The following NLRP7 variants were observed in gnomAD, a reference collection of about 807,000 sequenced individuals.
The protein encoded by NLRP7 is NLR family pyrin domain containing 7, also known as NACHT, LRR and PYD domains-containing protein 7.
In NLRP7, 72 loss-of-function variants were observed where a neutral mutation model predicts 85.5. That is an observed-to-expected ratio of 0.84 (90% CI 0.70 to 1.02). The LOEUF is 1.02. NLRP7 is among the 50% of genes least tolerant of loss of function. The probability of loss-of-function intolerance (pLI) is 0.00; values close to 1 mark genes in which losing one functional copy is unlikely to be tolerated. For missense variants in NLRP7, 1,243 were observed against 1,219.5 expected (o/e 1.02, Z -0.29); for synonymous variants, 550 against 505.2 (o/e 1.09, Z -1.19).
At position 54,943,545 on chromosome 19, in the gene NLRP7, G is replaced by A. The variant is rs541885602; in HGVS notation, c.-39-1795C>T. Among the ~76,000 whole-genome samples the A allele has an allele frequency of 2.8e-3, 427 of 150,868 alleles. 3 individuals are homozygous for A. The highest frequency in any genetic ancestry group is 4.4e-3 in the Admixed American group (66 of 15,070). The stretch of plus-strand genomic sequence containing the variant: ...GAACCCGGGAGGCGGAGCTTGCAGT[G>A]AGCGGAGATCGCGCCACCGCACTCC... On this transcript the variant is annotated intron_variant, in intron 1 of 9. Transcript: ENST00000340844.
At chr19:54,944,173 T>C (rs2069364691) in intron 1 of NLRP7, among the ~76,000 whole-genome samples, 1 of 151,548 alleles carries the variant, frequency 6.6e-6, no homozygotes, top group African/African-American at 2.4e-5. Flanking sequence ...AGAGGATTAG[T>C]ATAAGAGGAA....
intron 9 of NLRP7, 24 bp downstream of exon 10, chr19:54,927,577 AAAAC>A (rs778149235): frequency 9.1e-6 from 13 of 1,431,648 alleles, no homozygotes; most frequent in South Asian, 7.0e-5. Flanking sequence ...AACAAAAAAC[AAAAC>A]AAAACAAAAC....
intron 6 of NLRP7, 121 bp downstream of exon 6, chr19:54,936,140 T>C (rs1384535058): frequency 1.2e-6 from 1 of 857,654 alleles, no homozygotes; most frequent in Admixed American, 2.0e-5. Context: ...ACAGGCCTGT[T>C]TGAGGAATAC....
intron 4 of NLRP7, 54 bp from the exon 5 acceptor site, chr19:54,938,295 G>A: frequency 6.9e-7 from 1 of 1,448,592 alleles, no homozygotes; most frequent in Non-Finnish European, 9.7e-7. Context: ...TGGTGAGATG[G>A]GCATCTGCAA....
At chr19:54,926,205 GGTGTGTGTGTGTGT>G (rs138774910) in intron 9 of NLRP7, among the ~76,000 whole-genome samples, 1 of 143,642 alleles carries the variant, frequency 7.0e-6, no homozygotes, top group Non-Finnish European at 1.5e-5. Flanking sequence ...AATGATTAGG[GGTGTGTGTGTGTGT>G]GTGTGTGTGC....
intron 9 of NLRP7, among the ~76,000 whole-genome samples, chr19:54,926,069 AAAT>A (rs1391069497): frequency 4.6e-5 from 7 of 152,136 alleles, no homozygotes; most frequent in Admixed American, 4.6e-4. Context: ...TCTCAAAAAA[AAAT>A]AAAAAATACA....
At position 54,934,593 on chromosome 19, in the gene NLRP7, C is replaced by T; in HGVS notation, c.2367G>A (p.Gln789=). Residue 789 remains glutamine, a synonymous_variant, in exon 7 of 10, where the codon CAG becomes CAA. Coordinates refer to ENST00000340844, the Ensembl canonical transcript of NLRP7. This position sits in a 1 kb window ranked among gnomAD's most constrained non-coding sequence, Gnocchi z 6.7. ...CTGAGAGACGCAGGTGCTTCAGGGA[C>T]TGGTTGGCTTTGAGGACATAGAAGA... is the stretch of plus-strand genomic sequence containing the variant. 1.1e-5 allele frequency: 17 copies of T among 1,614,118 alleles called. No homozygotes were observed. Among genetic ancestry groups the T allele is most frequent in the Non-Finnish European group, 1.4e-5 (17 of 1,179,992 alleles).
intron 1 of NLRP7, among the ~76,000 whole-genome samples, chr19:54,953,986 G>A (rs1029579481): frequency 5.3e-5 from 8 of 151,594 alleles, no homozygotes; most frequent in Admixed American, 3.9e-4. Context: ...CAGCCTGGGT[G>A]ACAGAGCGAG....
chr19:54,935,436 C>G (rs1032585556), intron 6 of NLRP7, among the ~76,000 whole-genome samples: 1 of 152,092 alleles, frequency 6.6e-6, no homozygotes, highest in Non-Finnish European at 1.5e-5. Context: ...TGGTTCATGC[C>G]TGTAATCCTA....
At chr19:54,943,612 C>T (rs1419327952) in intron 1 of NLRP7, among the ~76,000 whole-genome samples, 3 of 81,722 alleles carry the variant, frequency 3.7e-5, no homozygotes, top group Admixed American at 1.4e-4. Context: ...GTTGGGGGGG[C>T]GGGGGGAAGA....
At chr19:54,923,767 T>C (rs1230816894) in exon 10 of NLRP7, 1 of 1,613,514 alleles carries the variant, frequency 6.2e-7, no homozygotes, top group Non-Finnish European at 8.5e-7. Context: ...AGCACGGAGG[T>C]GCCGTTGCCC....
chr19:54,930,642 C>T lies in NLRP7; in HGVS notation c.2667G>A (p.Lys889=), dbSNP rs756014953. The T allele has an allele frequency of 3.7e-6, 6 of 1,613,718 alleles. 1 individual carries two copies. The highest frequency in any genetic ancestry group is 1.3e-5 in the African/African-American group (1 of 75,038). Residue 889 remains lysine (K), a synonymous_variant, in exon 9 of 10, where the codon AAG becomes AAA. Transcript: ENST00000340844. ...CCTCTGAGAGATATCTACAGCCAAGCTTGGTTATGCTGCATTGCTGTAACC... is the reference window on the plus strand; with the variant it reads ...CCTCTGAGAGATATCTACAGCCAAGTTTGGTTATGCTGCATTGCTGTAACC...
chr19:54,942,671 C>T (rs1028172796), intron 1 of NLRP7, among the ~76,000 whole-genome samples: 1 of 151,994 alleles, frequency 6.6e-6, no homozygotes, highest in Non-Finnish European at 1.5e-5. Context: ...TCTGAGATCA[C>T]GCCATTGCAC....
chr19:54,963,115 G>C (rs1334417948), intron 1 of NLRP7, among the ~76,000 whole-genome samples: 1 of 152,098 alleles, frequency 6.6e-6, no homozygotes, highest in African/African-American at 2.4e-5. Flanking sequence ...TAAACACAGG[G>C]TCAAGCATGG....
At chr19:54,958,971 A>G (rs2069945438) in intron 1 of NLRP7, among the ~76,000 whole-genome samples, 1 of 152,040 alleles carries the variant, frequency 6.6e-6, no homozygotes, top group African/African-American at 2.4e-5. Flanking sequence ...GTGTTCTTCT[A>G]TACAATGCCT....
At chr19:54,931,683 CT>C (rs2068684605) in intron 8 of NLRP7, among the ~76,000 whole-genome samples, 1 of 113,832 alleles carries the variant, frequency 8.8e-6, no homozygotes, top group African/African-American at 3.8e-5. Flanking sequence ...GAAACTCCAT[CT>C]CAAAAAAAAA....
At position 54,930,497 on chromosome 19, in the gene NLRP7, A is replaced by C. The variant is rs104895513; in HGVS notation, c.2810+2T>G. Reference sequence around the variant, plus strand: ...AGAAAGAAGAAAAAGAAAATCGCCTACCGTAGGTGTTTTAGGTTACAGTTT... The same window carrying C: ...AGAAAGAAGAAAAAGAAAATCGCCTCCCGTAGGTGTTTTAGGTTACAGTTT... On this transcript the variant is annotated splice_donor_variant, in intron 9 of 9. Coordinates refer to ENST00000340844, the Ensembl canonical transcript of NLRP7. LOFTEE classifies it high-confidence loss of function. 13 of 1,596,474 alleles carry C rather than the reference A, an allele frequency of 8.1e-6. No individual in the cohort carries two copies. The Admixed American group carries it at 2.0e-4, about 25-fold the overall frequency.
intron 1 of NLRP7, among the ~76,000 whole-genome samples, chr19:54,943,159 A>C (rs1260818753): frequency 6.6e-6 from 1 of 151,352 alleles, no homozygotes. Context: ...AAAAAAAAAA[A>C]CTTAGCCAGG....
intron 1 of NLRP7, among the ~76,000 whole-genome samples, chr19:54,952,723 C>T (rs2069710840): frequency 6.6e-6 from 1 of 152,146 alleles, no homozygotes; most frequent in African/African-American, 2.4e-5. Context: ...GGCAAATTGA[C>T]TCACAGCGTG....
Sources: allele counts gnomAD v4.1 joint callset (sites outside exome capture counted in the v4.1 genomes callset), GRCh38; gene constraint gnomAD v4.1.1; non-coding constraint Gnocchi (gnomAD v3.1); transcripts MANE v1.5; gene names NCBI Gene and HGNC (gene_info 2026-07-23, HGNC 2026-07-21).